PDE3A: variants seen among roughly 807,000 people sequenced by gnomAD.
The protein encoded by PDE3A is phosphodiesterase 3A.
In PDE3A, 43 loss-of-function variants were observed where a neutral mutation model predicts 98.3. That is an observed-to-expected ratio of 0.44 (90% CI 0.34 to 0.56). The LOEUF is 0.56. Among genes scored for constraint, PDE3A ranks in the 20% least tolerant of loss-of-function variants. The pLI, the probability that PDE3A is intolerant of heterozygous loss-of-function variation, is 0.01. For synonymous variants in PDE3A, 663 were observed against 567.9 expected (o/e 1.17, Z -2.38); for missense variants, 1,427 against 1,440.7 (o/e 0.99, Z 0.15).
At position 20,554,446 on chromosome 12, in the gene PDE3A, G is replaced by A. The variant is rs534369754; in HGVS notation, c.961-2214G>A. 2.1e-4 allele frequency among the ~76,000 whole-genome samples: 32 copies of A among 149,902 alleles called. No homozygotes were observed. The South Asian group carries it at 6.6e-3, about 31-fold the overall frequency. On this transcript the variant is annotated intron_variant, in intron 1 of 15. Coordinates refer to ENST00000359062, the MANE Select transcript of PDE3A (RefSeq NM_000921.5). ...CCCAAGATAGGTTGAGTATTTACCT[G>A]GATTTTATTCTATTTTATATTTACA...
At chr12:20,394,067 C>G (rs1301573405) in intron 1 of PDE3A, among the ~76,000 whole-genome samples, 4 of 152,096 alleles carry the variant, frequency 2.6e-5, no homozygotes, top group African/African-American at 7.2e-5. Flanking sequence ...ATTTACTTTC[C>G]TGTACAAAGT....
intron 1 of PDE3A, among the ~76,000 whole-genome samples, chr12:20,485,127 T>C (rs1945702731): frequency 6.6e-6 from 1 of 152,174 alleles, no homozygotes; most frequent in Non-Finnish European, 1.5e-5. Context: ...GAATGCATTG[T>C]CCCACAGTTC....
At chr12:20,617,965 TTTACAATAGAAATAAGGAAAATAC>T (rs1486838156) in intron 4 of PDE3A, among the ~76,000 whole-genome samples, 1 of 152,090 alleles carries the variant, frequency 6.6e-6, no homozygotes, top group Non-Finnish European at 1.5e-5. Flanking sequence ...CATCCAAATA[TTTACAATAGAAATAAGGAAAATAC>T]TTACAATAGA....
chr12:20,477,539 G>A (rs1011929022), intron 1 of PDE3A, among the ~76,000 whole-genome samples: 4 of 152,094 alleles, frequency 2.6e-5, no homozygotes, highest in African/African-American at 7.2e-5. Context: ...TGTTAAGGCC[G>A]TAAGTCAAAG....
chr12:20,449,919 TG>T, intron 1 of PDE3A: 1 of 803,812 alleles, frequency 1.2e-6, no homozygotes, highest in Non-Finnish European at 2.0e-6. Flanking sequence ...ATGGGAACTC[TG>T]CTGGAAAGTT....
At chr12:20,477,124 C>T (rs1239097373) in intron 1 of PDE3A, among the ~76,000 whole-genome samples, 1 of 152,152 alleles carries the variant, frequency 6.6e-6, no homozygotes, top group Non-Finnish European at 1.5e-5. Context: ...AACAGATGCA[C>T]AGGGAGCACT....
Position 20,631,700 on chromosome 12 carries a change from AT to A in PDE3A, c.1760+1589del, listed in dbSNP as rs58133440. Among the ~76,000 whole-genome samples, 468 of 116,876 alleles carry A rather than the reference AT, an allele frequency of 4.0e-3. 3 individuals are homozygous for A. Among genetic ancestry groups the A allele is most frequent in the African/African-American group, 0.014 (451 of 33,254 alleles). 76.7% of individuals were successfully genotyped at this position (116,876 alleles called of 152,430 possible). Reference sequence around the variant, plus strand: ...CACGCAGCTTTTTTCATCATAGTGTATTTTTTTTTTTTTTTTGTATTCTTAG... The same window carrying A: ...CACGCAGCTTTTTTCATCATAGTGTATTTTTTTTTTTTTTTGTATTCTTAG... On this transcript the variant is annotated intron_variant, in intron 6 of 15. Coordinates refer to ENST00000359062, the MANE Select transcript of PDE3A (RefSeq NM_000921.5).
intron 1 of PDE3A, among the ~76,000 whole-genome samples, chr12:20,487,179 C>T (rs942501033): frequency 4.6e-5 from 7 of 151,840 alleles, no homozygotes; most frequent in Non-Finnish European, 1.0e-4. Context: ...TGTTCACATG[C>T]CTATGTGTAG....
In PDE3A at chr12:20,552,090, C is replaced by A. The variant is rs1031169828; in HGVS notation, c.961-4570C>A. 6.2e-7 allele frequency: 1 copy of A among 1,612,768 alleles called. No individual in the cohort carries two copies. Among genetic ancestry groups the A allele is most frequent in the Non-Finnish European group, 8.5e-7 (1 of 1,179,896 alleles). On this transcript the variant is annotated intron_variant, in intron 1 of 15. Coordinates refer to ENST00000359062, the MANE Select transcript of PDE3A (RefSeq NM_000921.5). The surrounding 1 kb of genome is among the most constrained non-coding windows in gnomAD (Gnocchi z 5.1). ...CGGGTAGTGGTGGTCGAGAGCTTTC[C>A]GGCAACAAGAGGACCGCGGAACAGT...
intron 1 of PDE3A, among the ~76,000 whole-genome samples, chr12:20,503,974 T>C (rs1381871522): frequency 1.3e-5 from 2 of 152,110 alleles, no homozygotes; most frequent in South Asian, 2.1e-4. Context: ...CTAGGGCTGA[T>C]TGATTCATAA....
chr12:20,615,727 T>G (rs1298444195), intron 3 of PDE3A, among the ~76,000 whole-genome samples: 4 of 147,724 alleles, frequency 2.7e-5, no homozygotes, highest in Non-Finnish European at 5.9e-5. Flanking sequence ...GGTTATGTAT[T>G]TATTTATTTA....
intron 1 of PDE3A, among the ~76,000 whole-genome samples, chr12:20,496,027 T>C (rs887506825): frequency 2.0e-5 from 3 of 152,192 alleles, no homozygotes; most frequent in Admixed American, 1.3e-4. Flanking sequence ...TGAATTTGAT[T>C]CACATTTCCC....
At chr12:20,395,620 TTATA>T (rs1944002948) in intron 1 of PDE3A, among the ~76,000 whole-genome samples, 1 of 143,486 alleles carries the variant, frequency 7.0e-6, no homozygotes, top group Non-Finnish European at 1.5e-5. Flanking sequence ...ATATATAGTA[TTATA>T]TATGTATACT....
chr12:20,562,310 T>A (rs1942546409), intron 2 of PDE3A, among the ~76,000 whole-genome samples: 1 of 145,838 alleles, frequency 6.9e-6, no homozygotes. Flanking sequence ...AACCTCTGCC[T>A]CCCTGGTTCA....
chr12:20,608,310 A>T (rs1185917041), intron 2 of PDE3A, among the ~76,000 whole-genome samples: 1 of 151,810 alleles, frequency 6.6e-6, no homozygotes, highest in African/African-American at 2.4e-5. Flanking sequence ...GTGTCTGTTG[A>T]CTGTAACATA....
intron 5 of PDE3A, among the ~76,000 whole-genome samples, chr12:20,624,313 T>C (rs573509837): frequency 1.2e-4 from 18 of 152,232 alleles, no homozygotes; most frequent in African/African-American, 3.9e-4. Context: ...ATAAAAAATA[T>C]TGAATAACCA....
chr12:20,499,560 A>G (rs1753393738), intron 1 of PDE3A, among the ~76,000 whole-genome samples: 1 of 152,208 alleles, frequency 6.6e-6, no homozygotes, highest in South Asian at 2.1e-4. Flanking sequence ...CAAACATTTT[A>G]AACAAACCTT....
intron 1 of PDE3A, among the ~76,000 whole-genome samples, chr12:20,504,583 G>T (rs577455437): frequency 6.6e-6 from 1 of 152,028 alleles, no homozygotes; most frequent in Non-Finnish European, 1.5e-5. Context: ...AAATCAAGGT[G>T]CTGGCAAGGT....
intron 1 of PDE3A, among the ~76,000 whole-genome samples, chr12:20,389,792 C>T (rs536396957): frequency 2.6e-5 from 4 of 152,070 alleles, no homozygotes; most frequent in Middle Eastern, 3.4e-3. Flanking sequence ...AATACTGTCA[C>T]CCTCTTAACA....
Sources: gnomAD v4.1 joint callset for allele counts (sites outside exome capture counted in the v4.1 genomes callset) on GRCh38, gnomAD v4.1.1 for gene constraint, Gnocchi (gnomAD v3.1) non-coding constraint, MANE v1.5 for transcripts, NCBI Gene and HGNC (gene_info 2026-07-23, HGNC 2026-07-21) for gene names.